Variants in WWOX observed in about 807,000 individuals in gnomAD.
The protein encoded by WWOX is WW domain-containing oxidoreductase.
WWOX carries 69 observed loss-of-function variants against 46.2 expected under a neutral mutation model. The ratio of observed to expected loss-of-function variants is 1.49; its 90% CI spans 1.23 to 1.82. The LOEUF (loss-of-function observed/expected upper bound fraction) is 1.82. Among genes scored for constraint, WWOX ranks in the 40% most tolerant of loss-of-function variants. WWOX has a pLI of 0.00. For missense variants in WWOX, 919 were observed against 542.6 expected (o/e 1.69, Z -6.89); for synonymous variants, 359 against 202.6 (o/e 1.77, Z -6.56).
intron 8 of WWOX, among the ~76,000 whole-genome samples, chr16:79,168,379 G>T (rs147057322): frequency 0.01 from 1,556 of 152,246 alleles, 30 homozygotes; most frequent in African/African-American, 0.036. Flanking sequence ...TGTGTTCTAA[G>T]GCACTAGGCT....
At chr16:79,188,035 C>A (rs998869522) in intron 8 of WWOX, among the ~76,000 whole-genome samples, 1 of 152,338 alleles carries the variant, frequency 6.6e-6, no homozygotes, top group East Asian at 1.9e-4. Context: ...ATTCCTTCTC[C>A]CACTTCCTGG....
intron 1 of WWOX, among the ~76,000 whole-genome samples, chr16:78,101,285 G>T (rs1416704934): frequency 6.8e-6 from 1 of 148,030 alleles, no homozygotes; most frequent in African/African-American, 2.5e-5. Flanking sequence ...CTGACCTCGT[G>T]ATCCTCCCGC....
At chr16:78,857,955 T>A (rs1173463089) in intron 8 of WWOX, among the ~76,000 whole-genome samples, 1 of 152,202 alleles carries the variant, frequency 6.6e-6, no homozygotes, top group South Asian at 2.1e-4. Context: ...ATTAGAAGAA[T>A]GAATGCTTTT....
At chr16:78,332,029 G>A (rs1030896333) in intron 5 of WWOX, among the ~76,000 whole-genome samples, 1 of 152,148 alleles carries the variant, frequency 6.6e-6, no homozygotes, top group African/African-American at 2.4e-5. Context: ...ACGCCATTTA[G>A]CTGCTCTCAG....
intron 8 of WWOX, among the ~76,000 whole-genome samples, chr16:78,502,524 C>T (rs1452598192): frequency 6.6e-6 from 1 of 152,186 alleles, no homozygotes; most frequent in Admixed American, 6.5e-5. Context: ...TTCATCATTT[C>T]TTTTTGTGGC....
chr16:78,982,374 C>T (rs1193469579), intron 8 of WWOX, among the ~76,000 whole-genome samples: 2 of 152,182 alleles, frequency 1.3e-5, no homozygotes, highest in African/African-American at 2.4e-5. Context: ...CATAGTACAG[C>T]GTGCCATTGC....
intron 8 of WWOX, among the ~76,000 whole-genome samples, chr16:79,005,555 G>C (rs1276369793): frequency 6.6e-6 from 1 of 152,136 alleles, no homozygotes; most frequent in Non-Finnish European, 1.5e-5. Context: ...CCGGCCTGTA[G>C]GTATTTCCTG....
At chr16:78,487,134 T>C (rs2084658271) in intron 8 of WWOX, among the ~76,000 whole-genome samples, 1 of 152,222 alleles carries the variant, frequency 6.6e-6, no homozygotes. Flanking sequence ...AACAACAGCA[T>C]GGTGACATCA....
At chr16:78,479,328 A>G (rs907173652) in intron 8 of WWOX, among the ~76,000 whole-genome samples, 8 of 152,228 alleles carry the variant, frequency 5.3e-5, no homozygotes, top group African/African-American at 1.9e-4. Flanking sequence ...AGAAAGATTA[A>G]AACATATGCA....
At chr16:78,587,346 T>C (rs535559664) in intron 8 of WWOX, among the ~76,000 whole-genome samples, 1 of 151,998 alleles carries the variant, frequency 6.6e-6, no homozygotes, top group East Asian at 1.9e-4. Flanking sequence ...TTAGTATTCT[T>C]TACATTTTTA....
chr16:78,866,680 T>A (rs1597080801), intron 8 of WWOX, among the ~76,000 whole-genome samples: 1 of 152,196 alleles, frequency 6.6e-6, no homozygotes, highest in South Asian at 2.1e-4. Flanking sequence ...CGTAGCCTGA[T>A]TGTTCTAAGT....
chr16:78,622,965 A>G (rs2054035492), intron 8 of WWOX, among the ~76,000 whole-genome samples: 1 of 152,116 alleles, frequency 6.6e-6, no homozygotes. Flanking sequence ...TTTGGCTTCT[A>G]GGAGCTGAGA....
chr16:79,060,711 A>G (rs537631011), intron 8 of WWOX, among the ~76,000 whole-genome samples: 5 of 152,336 alleles, frequency 3.3e-5, no homozygotes, highest in South Asian at 2.1e-4. Context: ...AATGTAACCA[A>G]TGAGGCCATT....
At chr16:79,131,215 C>A (rs147268223) in intron 8 of WWOX, among the ~76,000 whole-genome samples, 26 of 152,224 alleles carry the variant, frequency 1.7e-4, no homozygotes, top group African/African-American at 6.0e-4. Context: ...GACTGCTGGT[C>A]TCTCCCTTCC....
At chr16:79,018,428 A>T (rs1010151524) in intron 8 of WWOX, among the ~76,000 whole-genome samples, 1 of 152,200 alleles carries the variant, frequency 6.6e-6, no homozygotes, top group Non-Finnish European at 1.5e-5. Context: ...ACTTTATCCA[A>T]AAGCGGATTA....
intron 8 of WWOX, among the ~76,000 whole-genome samples, chr16:78,675,282 G>C (rs2047565896): frequency 6.6e-6 from 1 of 152,116 alleles, no homozygotes. Context: ...AGTTCTTTAA[G>C]CTACAGCTGT....
intron 4 of WWOX, among the ~76,000 whole-genome samples, chr16:78,133,987 T>C (rs1179194168): frequency 6.6e-6 from 1 of 152,216 alleles, no homozygotes; most frequent in African/African-American, 2.4e-5. Flanking sequence ...ACAGGTATTA[T>C]CCCTAAGATG....
rs1411460656 is a variant in WWOX at position 78,840,943 on chromosome 16, G to A, written c.1057-370665G>A. Among the ~76,000 whole-genome samples the A allele has an allele frequency of 2.0e-5, 3 of 151,966 alleles. No individual in the cohort carries two copies. In the East Asian group the frequency reaches 5.8e-4, roughly 29 times the overall value. ...ATAGTAGGACTATTGCCAGTGGAGG[G>A]GGCATTTTGGAAATTTGGAAAGGCA... On this transcript the variant is annotated intron_variant, in intron 8 of 8. Transcript: ENST00000566780.
At chr16:79,098,254 G>A (rs146257408) in intron 8 of WWOX, among the ~76,000 whole-genome samples, 1 of 152,340 alleles carries the variant, frequency 6.6e-6, no homozygotes, top group African/African-American at 2.4e-5. Context: ...CAGAGGCACA[G>A]TCACATTTGG....
Sources: gnomAD v4.1 joint callset for allele counts (sites outside exome capture counted in the v4.1 genomes callset) on GRCh38, gnomAD v4.1.1 for gene constraint, MANE v1.5 for transcripts, NCBI Gene and HGNC (gene_info 2026-07-23, HGNC 2026-07-21) for gene names.